The following CDYL variants were observed in gnomAD, a reference collection of about 807,000 sequenced individuals.
The protein encoded by CDYL is chromodomain Y like, also known as chromodomain Y-like protein.
Under a neutral mutation model 47.3 loss-of-function variants are expected in CDYL, and 8 were observed. That is an observed-to-expected ratio of 0.17 (90% CI 0.10 to 0.31). The LOEUF is 0.31. CDYL is among the 10% of genes least tolerant of loss of function. The pLI is 1.00. For missense variants in CDYL, 471 were observed against 701.4 expected, an observed-to-expected ratio of 0.67 and a Z score of 3.71; for synonymous variants, 266 against 265.0, an observed-to-expected ratio of 1.00 and a Z score of -0.04.
intron 2 of CDYL, among the ~76,000 whole-genome samples, chr6:4,721,871 T>C (rs1757376930): frequency 6.9e-6 from 1 of 144,350 alleles, no homozygotes; most frequent in African/African-American, 2.5e-5. Context: ...TTTTTTGGGG[T>C]TTTTTTTTTT....
chr6:4,881,438 A>G (rs1761760344), intron 1 of CDYL, among the ~76,000 whole-genome samples: 1 of 152,136 alleles, frequency 6.6e-6, no homozygotes, highest in African/African-American at 2.4e-5. Context: ...TGAAACATGA[A>G]TTACCAGGCT....
chr6:4,922,991 A>G (rs1273811670), intron 2 of CDYL, among the ~76,000 whole-genome samples: 2 of 152,192 alleles, frequency 1.3e-5, no homozygotes, highest in Non-Finnish European at 2.9e-5. Flanking sequence ...ACATATTACA[A>G]TTATTATGTA....
At chr6:4,824,722 A>C (rs936772491) in intron 1 of CDYL, among the ~76,000 whole-genome samples, 9 of 151,412 alleles carry the variant, frequency 5.9e-5, no homozygotes, top group Admixed American at 5.3e-4. Context: ...GTTAAAGTTC[A>C]GTTTACCTAT....
intron 2 of CDYL, among the ~76,000 whole-genome samples, chr6:4,910,847 T>C (rs4960048): frequency 0.85 from 127,938 of 150,218 alleles, 54,570 homozygotes; most frequent in Admixed American, 0.9. Flanking sequence ...TTTTTTTTTT[T>C]CCCCAAGACG....
At chr6:4,758,804 G>A (rs112321445) in intron 3 of CDYL, among the ~76,000 whole-genome samples, 2 of 152,056 alleles carry the variant, frequency 1.3e-5, no homozygotes, top group Non-Finnish European at 2.9e-5. Flanking sequence ...TTGTACGGTT[G>A]AAACTATACT....
chr6:4,906,568 G>C (rs1272375527), intron 2 of CDYL, among the ~76,000 whole-genome samples: 1 of 152,192 alleles, frequency 6.6e-6, no homozygotes, highest in African/African-American at 2.4e-5. Context: ...GAGTGTATCG[G>C]TTGCTTCTGA....
intron 1 of CDYL, among the ~76,000 whole-genome samples, chr6:4,803,547 C>T (rs1385650606): frequency 2.0e-5 from 3 of 152,188 alleles, no homozygotes; most frequent in Non-Finnish European, 2.9e-5. Context: ...GATTGACAGA[C>T]GATAGACAGG....
chr6:4,787,760 C>G (rs937714963), intron 1 of CDYL, among the ~76,000 whole-genome samples: 3 of 120,092 alleles, frequency 2.5e-5, no homozygotes, highest in Non-Finnish European at 5.0e-5. Context: ...CTCTGAAATT[C>G]AAGTCTTTTT....
At chr6:4,760,978 T>C (rs1003964505) in intron 3 of CDYL, among the ~76,000 whole-genome samples, 9 of 152,174 alleles carry the variant, frequency 5.9e-5, no homozygotes, top group African/African-American at 1.9e-4. Flanking sequence ...GTTCTCAATT[T>C]GATGCAAAGT....
In CDYL at chr6:4,891,786, A is replaced by C. The variant is rs930012575; in HGVS notation, c.98A>C (p.Asp33Ala). 6.2e-7 allele frequency: 1 copy of C among 1,614,220 alleles called. No homozygotes were observed. Among genetic ancestry groups the C allele is most frequent in the Non-Finnish European group, 8.5e-7 (1 of 1,180,032 alleles). The change falls in exon 2 of 7, where the codon GAC (aspartate) becomes GCC (alanine). Residue 33 changes from aspartate to alanine, a missense_variant. Asp to Ala is a moderately radical substitution (Grantham distance 126). Transcript: ENST00000397588. Reference protein sequence around the residue: ...TEYLVRWKGYDSEDDTWEPEQ... With the variant: ...TEYLVRWKGYASEDDTWEPEQ... ...TATTTGGTTCGGTGGAAAGGCTATGACAGCGAGGACGACACTTGGGAGCCG... is the reference window on the plus strand; with the variant it reads ...TATTTGGTTCGGTGGAAAGGCTATGCCAGCGAGGACGACACTTGGGAGCCG...
intron 2 of CDYL, among the ~76,000 whole-genome samples, chr6:4,898,236 A>G (rs1310471071): frequency 6.9e-6 from 1 of 144,932 alleles, no homozygotes; most frequent in Non-Finnish European, 1.5e-5. Flanking sequence ...AGAAAAAAAA[A>G]CGAAAAGGCA....
rs376437164 is a variant in CDYL at position 4,952,226 on chromosome 6, C to T, written c.1333-40C>T. ...GGGATGGGTCTTCCCCGCCCGCCTC[C>T]CACCGCAATTCATATTACATCCACT... On this transcript the variant is annotated intron_variant, in intron 5 of 6. Coordinates refer to ENST00000397588, the MANE Select transcript of CDYL (RefSeq NM_004824.4). 1.1e-4 allele frequency: 180 copies of T among 1,597,050 alleles called. No individual in the cohort carries two copies. The African/African-American group carries it at 2.1e-3, about 19-fold the overall frequency.
chr6:4,834,646 CT>C (rs1760242941), intron 1 of CDYL, among the ~76,000 whole-genome samples: 1 of 152,046 alleles, frequency 6.6e-6, no homozygotes, highest in South Asian at 2.1e-4. Context: ...GGAAGTTCTC[CT>C]GGATAATATC....
chr6:4,708,367 C>A (rs1757084884), intron 1 of CDYL, among the ~76,000 whole-genome samples: 1 of 152,212 alleles, frequency 6.6e-6, no homozygotes, highest in African/African-American at 2.4e-5. Flanking sequence ...ACCATGTTGT[C>A]CAGGCTGATC....
In CDYL at chr6:4,806,355, A is replaced by G. The variant is rs534245316; in HGVS notation, c.24+29548A>G. ...CCTCCTCCACGCTGCTCCCAGAGCC[A>G]TCTTTCCAAAATGTGAAATTCATTC... On this transcript the variant is annotated intron_variant, in intron 1 of 6. Coordinates refer to ENST00000397588, the MANE Select transcript of CDYL (RefSeq NM_004824.4). 1.2e-3 allele frequency among the ~76,000 whole-genome samples: 189 copies of G among 152,362 alleles called. 1 individual carries two copies. The highest frequency in any genetic ancestry group is 4.1e-3 in the African/African-American group (171 of 41,578).
intron 1 of CDYL, among the ~76,000 whole-genome samples, chr6:4,882,047 G>A (rs1016356641): frequency 6.6e-6 from 1 of 152,132 alleles, no homozygotes; most frequent in African/African-American, 2.4e-5. Context: ...CTGTGACATC[G>A]TCCATTGCAC....
chr6:4,951,106 G>A (rs1020594925), intron 5 of CDYL, among the ~76,000 whole-genome samples: 8 of 152,084 alleles, frequency 5.3e-5, no homozygotes, highest in African/African-American at 1.9e-4. Context: ...TCAAGACATT[G>A]ACAGAAGGTG....
intron 1 of CDYL, among the ~76,000 whole-genome samples, chr6:4,815,972 G>GTTT (rs66530204): frequency 0.011 from 1,600 of 140,420 alleles, 20 homozygotes; most frequent in African/African-American, 0.027. Flanking sequence ...ATTTTTATAG[G>GTTT]TTTTTTTTTT....
intron 1 of CDYL, among the ~76,000 whole-genome samples, chr6:4,811,608 C>T (rs371891883): frequency 1.7e-4 from 22 of 126,714 alleles, no homozygotes; most frequent in African/African-American, 3.5e-4. Flanking sequence ...TGACATTATT[C>T]TTTTTTTTTT....
Sources: gnomAD v4.1 joint callset for allele counts (sites outside exome capture counted in the v4.1 genomes callset) on GRCh38, gnomAD v4.1.1 for gene constraint, MANE v1.5 for transcripts, NCBI Gene and HGNC (gene_info 2026-07-23, HGNC 2026-07-21) for gene names.